The following EXT1 variants were observed in gnomAD, a reference collection of about 807,000 sequenced individuals.
EXT1 encodes exostosin-1.
In EXT1, 20 loss-of-function variants were observed where a neutral mutation model predicts 82.5. That is an observed-to-expected ratio of 0.24 (90% CI 0.17 to 0.35). The LOEUF (loss-of-function observed/expected upper bound fraction) is 0.35. Ranked by LOEUF, EXT1 falls within the 10% of genes least tolerant of loss-of-function variation. The probability of loss-of-function intolerance (pLI) is 1.00; values close to 1 mark genes in which losing one functional copy is unlikely to be tolerated. For missense variants in EXT1, 757 were observed against 936.5 expected, an observed-to-expected ratio of 0.81 and a Z score of 2.50; for synonymous variants, 348 against 350.8, an observed-to-expected ratio of 0.99 and a Z score of 0.09.
rs1351348970 is a variant in EXT1 at position 118,108,849 on chromosome 8, C to T, written c.962+1236G>A. On this transcript the variant is annotated intron_variant, in intron 1 of 10. Coordinates refer to ENST00000378204, the MANE Select transcript of EXT1 (RefSeq NM_000127.3). ...TTCCAATCAGGTTTGCGAAACATTT[C>T]CCCTATTCTGCATTTCATGAATCAA... is the stretch of plus-strand genomic sequence containing the variant. Among the ~76,000 whole-genome samples, 3 of 152,320 alleles carry T rather than the reference C, an allele frequency of 2.0e-5. No homozygotes were observed. In the East Asian group the frequency reaches 5.8e-4, roughly 29 times the overall value.
chr8:117,976,354 C>T (rs1195787242), intron 1 of EXT1, among the ~76,000 whole-genome samples: 1 of 152,132 alleles, frequency 6.6e-6, no homozygotes, highest in Admixed American at 6.5e-5. Context: ...TAAATAGTCC[C>T]AAACTGGAGA....
intron 8 of EXT1, among the ~76,000 whole-genome samples, chr8:117,812,373 C>A (rs112721325): frequency 1.9e-4 from 29 of 152,252 alleles, no homozygotes; most frequent in South Asian, 6.2e-4. Flanking sequence ...TGAAGTGAAA[C>A]CGTTTGCTCT....
chr8:118,048,132 G>A (rs1563639872), intron 1 of EXT1, among the ~76,000 whole-genome samples: 1 of 152,058 alleles, frequency 6.6e-6, no homozygotes, highest in Admixed American at 6.6e-5. Flanking sequence ...CCTACATAGG[G>A]CAAGTCAATG....
chr8:117,900,287 C>G (rs1461989036), intron 1 of EXT1, among the ~76,000 whole-genome samples: 1 of 152,118 alleles, frequency 6.6e-6, no homozygotes, highest in Non-Finnish European at 1.5e-5. Context: ...CTGTTTCTCC[C>G]CAAAGGCATG....
At chr8:117,817,546 T>C (rs1278002382) in intron 7 of EXT1, among the ~76,000 whole-genome samples, 1 of 152,020 alleles carries the variant, frequency 6.6e-6, no homozygotes, top group Non-Finnish European at 1.5e-5. Context: ...AGCTAGCTGC[T>C]CTTTAGTAGA....
chr8:117,819,841 G>A, intron 5 of EXT1, 47 bp from the exon 6 acceptor site: 1 of 1,564,744 alleles, frequency 6.4e-7, no homozygotes, highest in Non-Finnish European at 8.8e-7. Flanking sequence ...TGGAAAGCAA[G>A]ACTTAGAAAA....
At chr8:117,892,861 C>A (rs560378904) in intron 1 of EXT1, among the ~76,000 whole-genome samples, 2 of 152,112 alleles carry the variant, frequency 1.3e-5, no homozygotes, top group Non-Finnish European at 2.9e-5. Flanking sequence ...TCAAGGACAA[C>A]GGCAAGGTTT....
chr8:118,008,161 C>T (rs1815818128), intron 1 of EXT1, among the ~76,000 whole-genome samples: 3 of 152,178 alleles, frequency 2.0e-5, no homozygotes, highest in Admixed American at 2.0e-4. Flanking sequence ...TGAGTGAGAA[C>T]ATGCAGTGTT....
At chr8:117,893,151 T>C (rs1047956994) in intron 1 of EXT1, among the ~76,000 whole-genome samples, 1 of 152,264 alleles carries the variant, frequency 6.6e-6, no homozygotes, top group African/African-American at 2.4e-5. Flanking sequence ...ATGAATAATC[T>C]TCCATTCATA....
At position 117,911,559 on chromosome 8, in the gene EXT1, C is replaced by T. The variant is rs17504267; in HGVS notation, c.963-74358G>A. ...CCCTGCTCACCAAGAGAAGGCAAGTCAAGAGCTAAGGGCAAATGGGGAACC... is the reference window on the plus strand; with the variant it reads ...CCCTGCTCACCAAGAGAAGGCAAGTTAAGAGCTAAGGGCAAATGGGGAACC... On this transcript the variant is annotated intron_variant, in intron 1 of 10. Coordinates refer to ENST00000378204, the MANE Select transcript of EXT1 (RefSeq NM_000127.3). 2.6e-3 allele frequency among the ~76,000 whole-genome samples: 390 copies of T among 152,292 alleles called. 2 individuals carry two copies. Among genetic ancestry groups the T allele is most frequent in the African/African-American group, 9.0e-3 (372 of 41,554 alleles).
intron 1 of EXT1, among the ~76,000 whole-genome samples, chr8:117,949,800 GTACTT>G (rs1310649924): frequency 6.6e-6 from 1 of 152,136 alleles, no homozygotes; most frequent in African/African-American, 2.4e-5. Flanking sequence ...ACTATCCTAA[GTACTT>G]TATTTAAAAG....
chr8:117,866,197 C>A (rs895984039), intron 1 of EXT1, among the ~76,000 whole-genome samples: 1 of 152,142 alleles, frequency 6.6e-6, no homozygotes, highest in African/African-American at 2.4e-5. Flanking sequence ...TGCACTCCAG[C>A]CTGGGCGACA....
At chr8:118,048,202 G>T in intron 1 of EXT1, among the ~76,000 whole-genome samples, 1 of 152,146 alleles carries the variant, frequency 6.6e-6, no homozygotes, top group South Asian at 2.1e-4. Flanking sequence ...AGGGCAAGAA[G>T]AGAGAAACCT....
chr8:117,889,619 A>G (rs1433961217), intron 1 of EXT1, among the ~76,000 whole-genome samples: 1 of 152,214 alleles, frequency 6.6e-6, no homozygotes, highest in Non-Finnish European at 1.5e-5. Context: ...AAAGGTCAGC[A>G]ATTTTAGTCA....
At chr8:117,847,565 T>C (rs1056930315) in intron 1 of EXT1, among the ~76,000 whole-genome samples, 1 of 152,142 alleles carries the variant, frequency 6.6e-6, no homozygotes, top group African/African-American at 2.4e-5. Flanking sequence ...CCTTCCTCCA[T>C]GTCTGAACTG....
intron 1 of EXT1, among the ~76,000 whole-genome samples, chr8:118,090,553 A>T (rs2451130): frequency 6.6e-6 from 1 of 151,900 alleles, no homozygotes; most frequent in South Asian, 2.1e-4. Flanking sequence ...CGAGGCAGGC[A>T]GAACACCTAA....
intron 1 of EXT1, among the ~76,000 whole-genome samples, chr8:118,010,716 G>T (rs1425600313): frequency 6.6e-6 from 1 of 152,190 alleles, no homozygotes; most frequent in African/African-American, 2.4e-5. Context: ...ATTCTCACTG[G>T]CAACGGCACG....
intron 1 of EXT1, among the ~76,000 whole-genome samples, chr8:117,882,924 C>T (rs1813085270): frequency 6.6e-6 from 1 of 150,380 alleles, no homozygotes; most frequent in African/African-American, 2.5e-5. Context: ...TTGCAGCGAG[C>T]CAAGATCATG....
At chr8:117,990,605 C>T (rs1586328873) in intron 1 of EXT1, among the ~76,000 whole-genome samples, 1 of 152,340 alleles carries the variant, frequency 6.6e-6, no homozygotes, top group East Asian at 1.9e-4. Flanking sequence ...CCCACAGATC[C>T]AGTGCTGGGG....
Sources: allele counts gnomAD v4.1 joint callset (sites outside exome capture counted in the v4.1 genomes callset), GRCh38; gene constraint gnomAD v4.1.1; transcripts MANE v1.5; gene names NCBI Gene and HGNC (gene_info 2026-07-23, HGNC 2026-07-21).